Variants in ITFG1 observed in about 807,000 individuals in gnomAD.
The protein encoded by ITFG1 is integrin alpha FG-GAP repeat containing 1, also known as T-cell immunomodulatory protein.
In ITFG1, 34 loss-of-function variants were observed where a neutral mutation model predicts 81.8. That is an observed-to-expected ratio of 0.42 (90% CI 0.32 to 0.55). The LOEUF is 0.55. Among genes scored for constraint, ITFG1 ranks in the 20% least tolerant of loss-of-function variants. The pLI, the probability that ITFG1 is intolerant of heterozygous loss-of-function variation, is 0.17. For synonymous variants in ITFG1, 285 were observed against 270.6 expected (o/e 1.05, Z -0.52); for missense variants, 672 against 755.4 (o/e 0.89, Z 1.29).
chr16:47,221,630 A>G (rs1274913770), intron 13 of ITFG1, among the ~76,000 whole-genome samples: 5 of 152,186 alleles, frequency 3.3e-5, no homozygotes, highest in East Asian at 3.9e-4. Context: ...CTCTTTTTCT[A>G]TTGACTAGAA....
At chr16:47,168,005 T>C (rs1426091176) in intron 14 of ITFG1, among the ~76,000 whole-genome samples, 1 of 152,214 alleles carries the variant, frequency 6.6e-6, no homozygotes, top group African/African-American at 2.4e-5. Context: ...GGAACTGCCA[T>C]ATTGTTTTTC....
At chr16:47,180,382 T>C (rs1181464060) in intron 14 of ITFG1, among the ~76,000 whole-genome samples, 1 of 147,254 alleles carries the variant, frequency 6.8e-6, no homozygotes, top group Non-Finnish European at 1.5e-5. Context: ...CCTCCCCCTC[T>C]CCCCACGGTC....
At chr16:47,237,359 G>A (rs1383169456) in intron 13 of ITFG1, among the ~76,000 whole-genome samples, 1 of 152,084 alleles carries the variant, frequency 6.6e-6, no homozygotes, top group Non-Finnish European at 1.5e-5. Flanking sequence ...TTAAATAGGG[G>A]CTAATTTCTT....
chr16:47,288,787 A>G (rs1351270744), intron 10 of ITFG1, among the ~76,000 whole-genome samples: 1 of 152,120 alleles, frequency 6.6e-6, no homozygotes, highest in East Asian at 1.9e-4. Flanking sequence ...AGTCCCAGCT[A>G]CTTGGGGCTG....
At chr16:47,246,124 T>C (rs935855954) in intron 12 of ITFG1, among the ~76,000 whole-genome samples, 2 of 152,218 alleles carry the variant, frequency 1.3e-5, no homozygotes, top group Non-Finnish European at 2.9e-5. Context: ...CATAATACAA[T>C]TCAAAAATCA....
At chr16:47,409,304 A>C (rs1968769147) in intron 6 of ITFG1, among the ~76,000 whole-genome samples, 1 of 143,840 alleles carries the variant, frequency 7.0e-6, no homozygotes, top group South Asian at 2.2e-4. Context: ...TATAACCGAA[A>C]TACCAAAAAA....
chr16:47,357,233 TACA>T (rs749354935), intron 8 of ITFG1, among the ~76,000 whole-genome samples: 6 of 152,024 alleles, frequency 3.9e-5, no homozygotes, highest in Non-Finnish European at 8.8e-5. Flanking sequence ...TAATGTAAAA[TACA>T]ACATTATCCC....
intron 6 of ITFG1, among the ~76,000 whole-genome samples, chr16:47,384,999 T>C (rs1158719183): frequency 6.6e-6 from 1 of 152,228 alleles, no homozygotes; most frequent in East Asian, 1.9e-4. Flanking sequence ...GAATTATGAA[T>C]ACATACTATT....
intron 8 of ITFG1, among the ~76,000 whole-genome samples, chr16:47,331,667 T>C (rs2151573959): frequency 6.6e-6 from 1 of 152,188 alleles, no homozygotes; most frequent in African/African-American, 2.4e-5. Context: ...TAAATAAACA[T>C]GGGTTAGTTT....
At chr16:47,447,063 T>C (rs2151617116) in intron 5 of ITFG1, among the ~76,000 whole-genome samples, 1 of 152,234 alleles carries the variant, frequency 6.6e-6, no homozygotes, top group East Asian at 1.9e-4. Flanking sequence ...AGATGGGGTC[T>C]CCCTGTGTTA....
At chr16:47,258,946 T>C (rs1295163270) in intron 11 of ITFG1, among the ~76,000 whole-genome samples, 1 of 152,230 alleles carries the variant, frequency 6.6e-6, no homozygotes, top group Non-Finnish European at 1.5e-5. Flanking sequence ...AAAAAACATC[T>C]GTAATTTTAG....
chr16:47,253,588 C>A (rs547465688), intron 12 of ITFG1, among the ~76,000 whole-genome samples: 1 of 152,170 alleles, frequency 6.6e-6, no homozygotes, highest in Non-Finnish European at 1.5e-5. Context: ...AATTTTTTCA[C>A]AGATGGGGGT....
chr16:47,459,137 G>T lies in ITFG1; in HGVS notation c.247C>A (p.Pro83Thr). The part of the protein sequence containing the change: ...LIVFLADQNA[P>T]YFKPKVKVSF... ...ACCTTTACTTTGGGTTTAAAATAGG[G>T]TGCATTCTGGTCTGCCAAAAAGACG... The change falls in exon 2 of 18, where the codon CCC (proline) becomes ACC (threonine). Residue 83 changes from proline (P) to threonine (T), a missense_variant. Around this residue, in one of 3 missense-constraint regions of ITFG1, gnomAD observed 560 missense variants for 625.7 expected, o/e 0.90. Transcript: ENST00000320640. The T allele has an allele frequency of 6.2e-7, 1 of 1,600,370 alleles. No individual in the cohort carries two copies. Among genetic ancestry groups the T allele is most frequent in the African/African-American group, 1.3e-5 (1 of 74,686 alleles).
At chr16:47,179,295 T>G (rs1448367067) in intron 14 of ITFG1, among the ~76,000 whole-genome samples, 1 of 152,188 alleles carries the variant, frequency 6.6e-6, no homozygotes, top group Non-Finnish European at 1.5e-5. Context: ...TATTGCGGCA[T>G]TATTCACAAT....
Position 47,356,197 on chromosome 16 carries a change from T to C in ITFG1, c.802+9591A>G, listed in dbSNP as rs1435466816. 5.9e-5 allele frequency among the ~76,000 whole-genome samples: 9 copies of C among 152,262 alleles called. No individual in the cohort carries two copies. The East Asian group carries it at 1.5e-3, about 26-fold the overall frequency. On this transcript the variant is annotated intron_variant, in intron 8 of 17. Coordinates refer to ENST00000320640, the MANE Select transcript of ITFG1 (RefSeq NM_030790.5). ...CACATTCTATAATGTGGCTAAACAA[T>C]ATTGTTCACCTCAGAAAGGTTTGGA...
intron 3 of ITFG1, among the ~76,000 whole-genome samples, chr16:47,453,257 T>G (rs1385994296): frequency 6.6e-6 from 1 of 152,240 alleles, no homozygotes; most frequent in Non-Finnish European, 1.5e-5. Context: ...TCCCAAATGG[T>G]GCAGAAAACA....
At chr16:47,375,768 A>G (rs1968315905) in intron 7 of ITFG1, 108 bp downstream of exon 7, 2 of 756,780 alleles carry the variant, frequency 2.6e-6, no homozygotes, top group Middle Eastern at 3.1e-4. Context: ...AAAGTTTTCT[A>G]TTTATTGTTG....
At chr16:47,374,897 AC>A (rs1210842960) in intron 7 of ITFG1, among the ~76,000 whole-genome samples, 1 of 152,186 alleles carries the variant, frequency 6.6e-6, no homozygotes. Flanking sequence ...AGCATCACTT[AC>A]CATATTATGA....
chr16:47,394,652 ATC>A (rs1288367105), intron 6 of ITFG1, among the ~76,000 whole-genome samples: 2 of 152,142 alleles, frequency 1.3e-5, no homozygotes, highest in East Asian at 1.9e-4. Context: ...AAAAAGACAC[ATC>A]TCTCTATAAA....
Sources: gnomAD v4.1 joint callset for allele counts (sites outside exome capture counted in the v4.1 genomes callset) on GRCh38, gnomAD v4.1.1 for gene constraint, gnomAD v4.1.1 regional missense constraint, MANE v1.5 for transcripts, NCBI Gene and HGNC (gene_info 2026-07-23, HGNC 2026-07-21) for gene names.